Variants in FRMPD4 observed in about 807,000 individuals in gnomAD.
FRMPD4 encodes FERM and PDZ domain containing 4.
A neutral mutation model predicts 94.1 loss-of-function variants in FRMPD4; 22 were observed. The observed-to-expected ratio is 0.23, with a 90% CI of 0.17 to 0.33. The LOEUF (loss-of-function observed/expected upper bound fraction) is 0.33. Ranked by LOEUF, FRMPD4 falls within the 10% of genes least tolerant of loss-of-function variation. The pLI, the probability that FRMPD4 is intolerant of heterozygous loss-of-function variation, is 1.00. For missense variants in FRMPD4, 1,111 were observed against 1,339.9 expected, an observed-to-expected ratio of 0.83 and a Z score of 2.67; for synonymous variants, 631 against 548.6, an observed-to-expected ratio of 1.15 and a Z score of -2.10.
chrX:11,858,675 ACCTAC>A (rs1163630985), intron 1 of FRMPD4, among the ~76,000 whole-genome samples: 1 of 111,452 alleles, frequency 9.0e-6, no homozygotes, highest in Non-Finnish European at 1.9e-5. Context: ...TATATAACAA[ACCTAC>A]ACTTGTACCC....
chrX:12,593,785 C>A (rs1227016920), intron 2 of FRMPD4, among the ~76,000 whole-genome samples: 2 of 111,294 alleles, frequency 1.8e-5, no homozygotes, highest in African/African-American at 6.5e-5. Context: ...CAATCTAAGG[C>A]ACATGGCTCT....
At chrX:12,323,019 T>C (rs935396188) in intron 1 of FRMPD4, among the ~76,000 whole-genome samples, 1 of 111,978 alleles carries the variant, frequency 8.9e-6, no homozygotes, top group African/African-American at 3.2e-5. Flanking sequence ...ATGAACGTTT[T>C]ATATGTGCAT....
rs190454722 is a variant in FRMPD4, at chrX:11,887,733, T to C, written c.95+9715T>C. Among the ~76,000 whole-genome samples the C allele has an allele frequency of 6.4e-3, 722 of 112,164 alleles. 3 individuals carry two copies. The Middle Eastern group carries it at 0.078, about 12-fold the overall frequency. On this transcript the variant is annotated intron_variant, in intron 3 of 18. Coordinates refer to the FRMPD4 transcript ENST00000640291. ...GTAGGAAGGTAGTATTATACCATTATTAAACTAGTCCTTTGTCTCTCCGAG... is the reference window on the plus strand; with the variant it reads ...GTAGGAAGGTAGTATTATACCATTACTAAACTAGTCCTTTGTCTCTCCGAG...
intron 1 of FRMPD4, among the ~76,000 whole-genome samples, chrX:12,317,751 A>T (rs1236117424): frequency 8.9e-6 from 1 of 111,826 alleles, no homozygotes; most frequent in Non-Finnish European, 1.9e-5. Flanking sequence ...AATCAAAAAT[A>T]CGATGAGATA....
At chrX:12,548,746 A>G (rs1265683075) in intron 2 of FRMPD4, among the ~76,000 whole-genome samples, 2 of 112,125 alleles carry the variant, frequency 1.8e-5, no homozygotes, top group Non-Finnish European at 1.9e-5. Flanking sequence ...AAGGGGCCAT[A>G]AACAAGGTTA....
intron 1 of FRMPD4, among the ~76,000 whole-genome samples, chrX:12,188,317 C>G (rs59274724): frequency 0.01 from 1,148 of 112,006 alleles, 12 homozygotes; most frequent in African/African-American, 0.035. Flanking sequence ...CCCTCTTGCA[C>G]TGTAACTTTT....
chrX:12,148,962 A>T (rs1386275634), intron 1 of FRMPD4, among the ~76,000 whole-genome samples: 1 of 112,203 alleles, frequency 8.9e-6, no homozygotes, highest in Non-Finnish European at 1.9e-5. Context: ...GATTCCTTTC[A>T]AAATATTACT....
At chrX:12,175,942 A>G (rs1180187222) in intron 1 of FRMPD4, among the ~76,000 whole-genome samples, 2 of 112,556 alleles carry the variant, frequency 1.8e-5, no homozygotes, top group Non-Finnish European at 3.7e-5. Flanking sequence ...ATTTAAGAAT[A>G]CAGATGCCTT....
At chrX:12,593,102 CAT>C (rs1269555502) in intron 2 of FRMPD4, among the ~76,000 whole-genome samples, 1 of 111,594 alleles carries the variant, frequency 9.0e-6, no homozygotes, top group African/African-American at 3.3e-5. Flanking sequence ...TCCTTAATCC[CAT>C]GTCTTTCTAT....
intron 3 of FRMPD4, among the ~76,000 whole-genome samples, chrX:11,992,422 A>C (rs2054469942): frequency 9.0e-6 from 1 of 111,612 alleles, no homozygotes; most frequent in Non-Finnish European, 1.9e-5. Context: ...TGCTGTGGCC[A>C]TGTTTTTAGT....
chrX:12,466,886 G>T (rs1043531121), intron 1 of FRMPD4, among the ~76,000 whole-genome samples: 1 of 111,889 alleles, frequency 8.9e-6, no homozygotes, highest in African/African-American at 3.2e-5. Flanking sequence ...TGGAAGGAAC[G>T]TCGAAATTCT....
At chrX:12,338,630 A>C (rs2055561749) in intron 1 of FRMPD4, among the ~76,000 whole-genome samples, 1 of 112,646 alleles carries the variant, frequency 8.9e-6, no homozygotes, top group Admixed American at 9.4e-5. Flanking sequence ...ATCGTTGCCT[A>C]GTGTTGCCCA....
intron 2 of FRMPD4, among the ~76,000 whole-genome samples, chrX:12,594,151 T>C (rs976720069): frequency 1.8e-5 from 2 of 111,920 alleles, no homozygotes; most frequent in Non-Finnish European, 3.8e-5. Flanking sequence ...ATGTGTCATT[T>C]GCTTTGTAAC....
intron 1 of FRMPD4, among the ~76,000 whole-genome samples, chrX:11,856,157 G>C (rs753315775): frequency 9.0e-6 from 1 of 111,336 alleles, no homozygotes; most frequent in East Asian, 2.8e-4. Flanking sequence ...ATTATCATAA[G>C]AACAGAATGG....
intron 1 of FRMPD4, among the ~76,000 whole-genome samples, chrX:11,845,166 T>C (rs2053566946): frequency 8.9e-6 from 1 of 112,290 alleles, no homozygotes; most frequent in African/African-American, 3.2e-5. Flanking sequence ...TTTTGCTAAA[T>C]CTGGCTTCTG....
At chrX:11,925,138 TAAAA>T (rs201067751) in intron 3 of FRMPD4, among the ~76,000 whole-genome samples, 2 of 93,582 alleles carry the variant, frequency 2.1e-5, no homozygotes, top group African/African-American at 3.9e-5. Flanking sequence ...CAACAGAGAT[TAAAA>T]AAAAAAAAAA....
chrX:12,239,099 G>A (rs1193998342), intron 1 of FRMPD4, among the ~76,000 whole-genome samples: 1 of 112,186 alleles, frequency 8.9e-6, no homozygotes, highest in Non-Finnish European at 1.9e-5. Flanking sequence ...CTATTTCCCA[G>A]AATGAAATTG....
intron 1 of FRMPD4, among the ~76,000 whole-genome samples, chrX:12,479,642 C>T (rs1033123571): frequency 1.9e-5 from 2 of 107,572 alleles, no homozygotes; most frequent in African/African-American, 6.7e-5. Flanking sequence ...GCTAGCACTA[C>T]AGTTGCGCCA....
chrX:11,961,743 G>A (rs1213139629), intron 3 of FRMPD4, among the ~76,000 whole-genome samples: 4 of 109,368 alleles, frequency 3.7e-5, no homozygotes, highest in Admixed American at 9.7e-5. Context: ...TTCACTATGC[G>A]GTACCTTCAA....
Sources: allele counts gnomAD v4.1 joint callset (sites outside exome capture counted in the v4.1 genomes callset), GRCh38; gene constraint gnomAD v4.1.1; transcripts MANE v1.5; gene names NCBI Gene and HGNC (gene_info 2026-07-23, HGNC 2026-07-21).